TMEM196: variants seen among roughly 807,000 people sequenced by gnomAD.
TMEM196 encodes transmembrane protein 196.
A neutral mutation model predicts 20.0 loss-of-function variants in TMEM196; 17 were observed. That is an observed-to-expected ratio of 0.85 (90% CI 0.58 to 1.27). TMEM196 has a LOEUF of 1.27. TMEM196 is among the 50% of genes most tolerant of loss of function. The probability of loss-of-function intolerance (pLI) is 0.00; values close to 1 mark genes in which losing one functional copy is unlikely to be tolerated. For synonymous variants in TMEM196, 113 were observed against 88.9 expected (o/e 1.27, Z -1.52); for missense variants, 267 against 223.0 (o/e 1.20, Z -1.26).
At chr7:19,766,720 A>C (rs1485622990) in intron 1 of TMEM196, among the ~76,000 whole-genome samples, 6 of 151,156 alleles carry the variant, frequency 4.0e-5, no homozygotes, top group South Asian at 4.2e-4. Flanking sequence ...TGTGTATGCA[A>C]GTGCATACAC....
intron 1 of TMEM196, among the ~76,000 whole-genome samples, chr7:19,732,056 C>G (rs1265516390): frequency 6.6e-6 from 1 of 152,014 alleles, no homozygotes; most frequent in African/African-American, 2.4e-5. Context: ...AAAAGAGGCC[C>G]CCAAAGTAGT....
At chr7:19,735,728 G>A (rs1189988933) in intron 1 of TMEM196, among the ~76,000 whole-genome samples, 1 of 152,094 alleles carries the variant, frequency 6.6e-6, no homozygotes, top group African/African-American at 2.4e-5. Flanking sequence ...GAACTGATAG[G>A]ATTATAAAAG....
At chr7:19,761,371 A>G (rs1785427420) in intron 1 of TMEM196, among the ~76,000 whole-genome samples, 1 of 152,236 alleles carries the variant, frequency 6.6e-6, no homozygotes. Flanking sequence ...ATATAGTTCC[A>G]TACACCGTGT....
At chr7:19,730,310 T>A (rs76114265) in intron 1 of TMEM196, among the ~76,000 whole-genome samples, 1 of 152,164 alleles carries the variant, frequency 6.6e-6, no homozygotes, top group East Asian at 1.9e-4. Flanking sequence ...GATAGCATAT[T>A]ATTTCTTGTA....
chr7:19,748,902 G>C (rs1471363945), intron 1 of TMEM196, among the ~76,000 whole-genome samples: 1 of 151,892 alleles, frequency 6.6e-6, no homozygotes, highest in Non-Finnish European at 1.5e-5. Flanking sequence ...GCATATGTTA[G>C]GTCACAATAA....
At chr7:19,737,527 A>G (rs938059710) in intron 1 of TMEM196, among the ~76,000 whole-genome samples, 3 of 151,990 alleles carry the variant, frequency 2.0e-5, no homozygotes, top group Non-Finnish European at 4.4e-5. Context: ...TTTTTCATAG[A>G]TAGATGGATA....
At chr7:19,732,579 A>AC (rs1342275083) in intron 1 of TMEM196, among the ~76,000 whole-genome samples, 2 of 132,324 alleles carry the variant, frequency 1.5e-5, no homozygotes, top group East Asian at 2.6e-4. Context: ...TCTCAAAAAA[A>AC]AAAAACAAAA....
intron 1 of TMEM196, among the ~76,000 whole-genome samples, chr7:19,764,762 CA>C (rs1785558887): frequency 6.6e-6 from 1 of 152,058 alleles, no homozygotes; most frequent in African/African-American, 2.4e-5. Flanking sequence ...ATCTTAGATG[CA>C]AAATTCTGGT....
chr7:19,768,549 G>A (rs1368272541), intron 1 of TMEM196, among the ~76,000 whole-genome samples: 2 of 152,066 alleles, frequency 1.3e-5, no homozygotes, highest in Non-Finnish European at 2.9e-5. Context: ...TTTACTTCCT[G>A]TCTATAAATC....
At chr7:19,724,473 C>A (rs899183261) in intron 3 of TMEM196, 120 bp from the exon 4 acceptor site, 1 of 849,544 alleles carries the variant, frequency 1.2e-6, no homozygotes, top group South Asian at 1.7e-5. Flanking sequence ...ATAAAATGGT[C>A]ATCTATTTTT....
At chr7:19,740,355 A>C (rs1301642342) in intron 1 of TMEM196, among the ~76,000 whole-genome samples, 1 of 152,194 alleles carries the variant, frequency 6.6e-6, no homozygotes, top group African/African-American at 2.4e-5. Flanking sequence ...GAAAAACAAG[A>C]AACAAATGGC....
intron 1 of TMEM196, among the ~76,000 whole-genome samples, chr7:19,766,647 A>T (rs375932792): frequency 8.6e-5 from 13 of 151,622 alleles, no homozygotes; most frequent in African/African-American, 3.1e-4. Flanking sequence ...AAGTAAAATG[A>T]TGGTTCAAAC....
chr7:19,748,664 T>C (rs1206796942), intron 1 of TMEM196, among the ~76,000 whole-genome samples: 1 of 152,166 alleles, frequency 6.6e-6, no homozygotes, highest in East Asian at 1.9e-4. Context: ...ATTCTAAGAA[T>C]GCTGAACTCT....
intron 1 of TMEM196, among the ~76,000 whole-genome samples, chr7:19,741,716 G>T (rs1348050311): frequency 6.6e-6 from 1 of 152,092 alleles, no homozygotes; most frequent in Non-Finnish European, 1.5e-5. Flanking sequence ...TGCACTGAGT[G>T]ATGATTGCAA....
rs1783751948 is a variant in TMEM196, at chr7:19,719,654, G to A, written c.*2474C>T. ...ATTCCAGCATGTGGTTCAATGTATT[G>A]TCCAAATTAAAGTTTCAAGCACTTG... On this transcript the variant is annotated 3_prime_UTR_variant, in exon 5 of 5. Coordinates refer to ENST00000405844, the MANE Select transcript of TMEM196 (RefSeq NM_001363562.2). 2 of 152,104 alleles carry A rather than the reference G, an allele frequency of 1.3e-5. No individual in the cohort carries two copies. Among genetic ancestry groups the A allele is most frequent in the Non-Finnish European group, 1.5e-5 (1 of 67,940 alleles). 9.4% of individuals were successfully genotyped at this position (152,104 alleles called of 1,614,324 possible). A position where few individuals can be genotyped will look rare whatever the true frequency, so the allele number is the denominator to read the frequency against.
rs979205023 is a variant in TMEM196, at chr7:19,768,490, T to C, written c.147+4060A>G. 3.3e-5 allele frequency among the ~76,000 whole-genome samples: 5 copies of C among 152,262 alleles called. 1 individual carries two copies. The highest frequency in any genetic ancestry group is 1.2e-4 in the African/African-American group (5 of 41,570). On this transcript the variant is annotated intron_variant, in intron 1 of 4. Transcript: ENST00000405844. ...CCATTATAGATGATGCACTGGAGGCTGAGAAGAGTGACTTTCACACAGCAA... is the reference window on the plus strand; with the variant it reads ...CCATTATAGATGATGCACTGGAGGCCGAGAAGAGTGACTTTCACACAGCAA...
chr7:19,772,109 G>C (rs1030143357), intron 1 of TMEM196, among the ~76,000 whole-genome samples: 3 of 152,008 alleles, frequency 2.0e-5, no homozygotes, highest in Admixed American at 1.3e-4. Flanking sequence ...AACTATCCCT[G>C]CTTGTTCCCT....
intron 1 of TMEM196, among the ~76,000 whole-genome samples, chr7:19,747,265 A>AAC (rs1784790331): frequency 8.7e-6 from 1 of 115,154 alleles, no homozygotes; most frequent in Non-Finnish European, 1.6e-5. Flanking sequence ...AAAAAAATAA[A>AAC]TAAATAAAAT....
At chr7:19,722,177 G>A in intron 4 of TMEM196, 43 bp from the exon 5 acceptor site, 2 of 1,533,500 alleles carry the variant, frequency 1.3e-6, no homozygotes, top group Admixed American at 1.8e-5. Flanking sequence ...CGCTTTTGGA[G>A]TAAGACATTG....
Sources: allele counts gnomAD v4.1 joint callset (sites outside exome capture counted in the v4.1 genomes callset), GRCh38; gene constraint gnomAD v4.1.1; transcripts MANE v1.5; gene names NCBI Gene and HGNC (gene_info 2026-07-23, HGNC 2026-07-21).